Variants in STAMBPL1 observed in about 807,000 individuals in gnomAD.
STAMBPL1 encodes the protein STAM binding protein like 1, also known as AMSH-like protease.
In STAMBPL1, 44 loss-of-function variants were observed where a neutral mutation model predicts 52.9. That is an observed-to-expected ratio of 0.83 (90% CI 0.65 to 1.07). The LOEUF (loss-of-function observed/expected upper bound fraction) is 1.07. Ranked by LOEUF, STAMBPL1 falls within the 50% of genes least tolerant of loss-of-function variation. The pLI, the probability that STAMBPL1 is intolerant of heterozygous loss-of-function variation, is 0.00. For missense variants in STAMBPL1, 511 were observed against 520.8 expected (o/e 0.98, Z 0.18); for synonymous variants, 164 against 177.3 (o/e 0.92, Z 0.60).
intron 1 of STAMBPL1, among the ~76,000 whole-genome samples, chr10:88,894,664 G>A (rs1463780760): frequency 6.6e-6 from 1 of 152,178 alleles, no homozygotes; most frequent in Non-Finnish European, 1.5e-5. Flanking sequence ...AAGAAGTTTA[G>A]TAAATAAGTT....
At chr10:88,919,375 T>C (rs1251536238) in intron 8 of STAMBPL1, among the ~76,000 whole-genome samples, 1 of 152,174 alleles carries the variant, frequency 6.6e-6, no homozygotes, top group African/African-American at 2.4e-5. Context: ...TCATTTTCAT[T>C]TCTGTAGAGT....
intron 5 of STAMBPL1, chr10:88,912,210 G>A (rs1418352778): frequency 6.6e-6 from 1 of 152,194 alleles, no homozygotes; most frequent in Non-Finnish European, 1.5e-5. Flanking sequence ...TGCTGAATCA[G>A]GATTTGCAAC....
rs1554839219 is a variant in STAMBPL1 at position 88,918,308 on chromosome 10, C to CACACACACACACAT, written c.1041+1504_1041+1505insTACACACACACACA. Among the ~76,000 whole-genome samples the CACACACACACACAT allele has an allele frequency of 2.5e-3, 367 of 144,908 alleles. 1 individual carries two copies. Among genetic ancestry groups the CACACACACACACAT allele is most frequent in the African/African-American group, 9.0e-3 (333 of 36,822 alleles). ...ACACACACACACACACACACACATA[C>CACACACACACACAT]ACACACACACACACACATTTCCTAA... On this transcript the variant is annotated intron_variant, in intron 8 of 10. Coordinates refer to ENST00000371926, the MANE Select transcript of STAMBPL1 (RefSeq NM_020799.4).
At chr10:88,909,620 G>A (rs1845165302) in intron 4 of STAMBPL1, among the ~76,000 whole-genome samples, 1 of 151,648 alleles carries the variant, frequency 6.6e-6, no homozygotes, top group Non-Finnish European at 1.5e-5. Flanking sequence ...TATTTATTTA[G>A]AGTCAGAGTC....
At chr10:88,917,645 T>C (rs1845403996) in intron 8 of STAMBPL1, among the ~76,000 whole-genome samples, 1 of 152,126 alleles carries the variant, frequency 6.6e-6, no homozygotes, top group African/African-American at 2.4e-5. Flanking sequence ...CTGTTATAAT[T>C]GGTGATAATA....
chr10:88,923,086 A>G (rs1345085271), intron 10 of STAMBPL1, 82 bp from the exon 11 acceptor site: 8 of 947,852 alleles, frequency 8.4e-6, no homozygotes, highest in Middle Eastern at 3.1e-4. Flanking sequence ...TAGGAAATCT[A>G]TACTTCCTCC....
chr10:88,913,151 A>G lies in STAMBPL1; in HGVS notation c.471A>G (p.Ile157Met). 6.2e-7 allele frequency: 1 copy of G among 1,612,754 alleles called. No homozygotes were observed. Among genetic ancestry groups the G allele is most frequent in the Non-Finnish European group, 8.5e-7 (1 of 1,179,388 alleles). Residue 157 changes from isoleucine to methionine, a missense_variant, in exon 6 of 11, where the codon ATA (isoleucine) becomes ATG (methionine). Around this residue, in one of 3 missense-constraint regions of STAMBPL1, gnomAD observed 358 missense variants for 343.5 expected, o/e 1.04. Transcript: ENST00000371926. ...AAAAATTGGAGCATCAGAGATTGAT[A>G]GAGGCAGAAAGGAAGCGGATTGCTC... is the stretch of plus-strand genomic sequence containing the variant. The part of the protein sequence containing the change: ...ILKKLEHQRL[I>M]EAERKRIAQM...
intron 3 of STAMBPL1, among the ~76,000 whole-genome samples, chr10:88,906,644 C>T (rs1308293469): frequency 6.6e-6 from 1 of 152,182 alleles, no homozygotes; most frequent in Non-Finnish European, 1.5e-5. Flanking sequence ...CTCCCTGTTG[C>T]ACAGGCTGAG....
At position 88,922,327 on chromosome 10, in the gene STAMBPL1, T is replaced by C; in HGVS notation, c.1155-10T>C. ...TAATTTTTCTATCTTGTTTTTGCTCTGAAATTTAGCACTGGCATCTTCAGG... is the reference window on the plus strand; with the variant it reads ...TAATTTTTCTATCTTGTTTTTGCTCCGAAATTTAGCACTGGCATCTTCAGG... On this transcript the variant is annotated splice_polypyrimidine_tract_variant and intron_variant, in intron 9 of 10. Transcript: ENST00000371926. 2.5e-6 allele frequency: 4 copies of C among 1,613,186 alleles called. No homozygotes were observed. Among genetic ancestry groups the C allele is most frequent in the Non-Finnish European group, 3.4e-6 (4 of 1,179,512 alleles).
intron 1 of STAMBPL1, 93 bp downstream of exon 1, chr10:88,880,731 G>A (rs978247736): frequency 1.3e-5 from 2 of 152,202 alleles, no homozygotes; most frequent in South Asian, 2.1e-4. Context: ...GGCGCGCGCC[G>A]GCCCTTCCGC....
At chr10:88,895,747 A>G (rs1451630097) in intron 1 of STAMBPL1, among the ~76,000 whole-genome samples, 1 of 152,190 alleles carries the variant, frequency 6.6e-6, no homozygotes, top group Non-Finnish European at 1.5e-5. Flanking sequence ...GGCCCCTCCT[A>G]AAGTAGTATA....
rs1217062231 is a variant in STAMBPL1 at position 88,913,149 on chromosome 10, A to G, written c.469A>G (p.Ile157Val). The G allele has an allele frequency of 1.2e-6, 2 of 1,612,678 alleles. No individual in the cohort carries two copies. The highest frequency in any genetic ancestry group is 1.7e-6 in the Non-Finnish European group (2 of 1,179,350). Residue 157 changes from isoleucine (I) to valine (V), a missense_variant, in exon 6 of 11, where the codon ATA becomes GTA. Physicochemically the swap from Ile to Val is conservative, Grantham distance 29. This residue lies in a region of STAMBPL1 where 358 missense variants were observed against 343.5 expected (regional missense o/e 1.04). Coordinates refer to ENST00000371926, the MANE Select transcript of STAMBPL1 (RefSeq NM_020799.4). The stretch of plus-strand genomic sequence containing the variant: ...CAAAAAATTGGAGCATCAGAGATTG[A>G]TAGAGGCAGAAAGGAAGCGGATTGC... ...ILKKLEHQRL[I>V]EAERKRIAQM...
chr10:88,918,365 A>G (rs1458261845), intron 8 of STAMBPL1, among the ~76,000 whole-genome samples: 1 of 152,008 alleles, frequency 6.6e-6, no homozygotes, highest in African/African-American at 2.4e-5. Context: ...TGGAGGGTAC[A>G]GGAGACTTTA....
rs1589376287 is a variant in STAMBPL1 at position 88,914,646 on chromosome 10, CTG to C, written c.894_895del (p.Cys298TrpfsTer6). ...GAGGAATAGAAACCTGTGGAATACT[CTG>C]TGGAAAACTGGTATGATCTTTTTAT... Reference protein sequence around the residue: ...VRGIETCGILCGKLTHNEFTI... With the variant: ...VRGIETCGILXGKLTHNEFTI... On this transcript the variant is annotated frameshift_variant, in exon 7 of 11. Coordinates refer to ENST00000371926, the MANE Select transcript of STAMBPL1 (RefSeq NM_020799.4). LOFTEE classifies it high-confidence loss of function. The C allele has an allele frequency of 8.0e-6, 11 of 1,372,938 alleles. No individual in the cohort carries two copies. Among genetic ancestry groups the C allele is most frequent in the Non-Finnish European group, 1.0e-5 (11 of 1,050,500 alleles). The allele number at this position is 1,372,938 out of a possible 1,614,324, so 85.0% of individuals were successfully genotyped here. A position where few individuals can be genotyped will look rare whatever the true frequency, so the allele number is the denominator to read the frequency against.
chr10:88,902,454 A>G (rs1844966831), intron 2 of STAMBPL1, among the ~76,000 whole-genome samples: 1 of 152,194 alleles, frequency 6.6e-6, no homozygotes, highest in South Asian at 2.1e-4. Context: ...GTGACCTTGT[A>G]GGAGTAGCCC....
rs755645133 is a variant in STAMBPL1, at chr10:88,905,619, A to G, written c.207A>G (p.Gly69=). The G allele has an allele frequency of 1.2e-6, 2 of 1,614,104 alleles. No individual in the cohort carries two copies. Among genetic ancestry groups the G allele is most frequent in the South Asian group, 2.2e-5 (2 of 91,084 alleles). The change falls in exon 3 of 11, where the codon GGA becomes GGG. Residue 69 remains glycine, a synonymous_variant. Transcript: ENST00000371926. ...TGGCGTCTGTGTATTTGGAAGAAGG[A>G]AATTTGGAAAATGCCTTTGTTCTTT... ...ERMASVYLEE[G]NLENAFVLYN...
chr10:88,920,047 A>G (rs1274013185), intron 8 of STAMBPL1, among the ~76,000 whole-genome samples: 1 of 152,058 alleles, frequency 6.6e-6, no homozygotes, highest in Non-Finnish European at 1.5e-5. Context: ...GATGGAGTCT[A>G]CCTATATTGT....
intron 1 of STAMBPL1, among the ~76,000 whole-genome samples, chr10:88,891,692 C>A (rs1040221675): frequency 2.6e-5 from 4 of 152,072 alleles, no homozygotes; most frequent in Non-Finnish European, 4.4e-5. Context: ...GCATAACTCT[C>A]ATTGTTTTCT....
At chr10:88,908,327 G>T (rs1338283871) in intron 3 of STAMBPL1, among the ~76,000 whole-genome samples, 1 of 152,008 alleles carries the variant, frequency 6.6e-6, no homozygotes, top group Non-Finnish European at 1.5e-5. Flanking sequence ...AGTGAGAAGG[G>T]ATTTACATCA....
Sources: gnomAD v4.1 joint callset for allele counts (sites outside exome capture counted in the v4.1 genomes callset) on GRCh38, gnomAD v4.1.1 for gene constraint, gnomAD v4.1.1 regional missense constraint, MANE v1.5 for transcripts, NCBI Gene and HGNC (gene_info 2026-07-23, HGNC 2026-07-21) for gene names.